Variants in DSCC1 observed in about 807,000 individuals in gnomAD.
The protein encoded by DSCC1 is sister chromatid cohesion protein DCC1.
Under a neutral mutation model 48.2 loss-of-function variants are expected in DSCC1, and 32 were observed. The observed-to-expected ratio is 0.66, with a 90% CI of 0.50 to 0.89. The LOEUF is 0.89. Ranked by LOEUF, DSCC1 falls within the 40% of genes least tolerant of loss-of-function variation. The probability of loss-of-function intolerance (pLI) is 0.00; values close to 1 mark genes in which losing one functional copy is unlikely to be tolerated. For missense variants in DSCC1, 421 were observed against 471.7 expected (o/e 0.89, Z 1.00); for synonymous variants, 150 against 171.5 (o/e 0.87, Z 0.98).
intron 1 of DSCC1, among the ~76,000 whole-genome samples, chr8:119,854,799 T>G (rs971945345): frequency 4.6e-5 from 7 of 152,226 alleles, no homozygotes; most frequent in African/African-American, 1.7e-4. Context: ...AAAGGTACTT[T>G]GAGGTATATA....
chr8:119,842,959 ATTATT>A (rs1826795361), intron 5 of DSCC1, 131 bp from the exon 6 acceptor site: 2 of 721,934 alleles, frequency 2.8e-6, no homozygotes, highest in African/African-American at 1.9e-5. Context: ...GTTGCCAAAT[ATTATT>A]TTATTTAAAT....
chr8:119,838,928 T>G (rs1826726540), intron 7 of DSCC1: 1 of 152,224 alleles, frequency 6.6e-6, no homozygotes, highest in Non-Finnish European at 1.5e-5. Context: ...GAGAAGGGGT[T>G]TCACCATGTA....
At chr8:119,844,586 T>C (rs1826824090) in intron 4 of DSCC1, among the ~76,000 whole-genome samples, 1 of 152,024 alleles carries the variant, frequency 6.6e-6, no homozygotes, top group Non-Finnish European at 1.5e-5. Flanking sequence ...TGCTTTCTTT[T>C]TTTTTTTTTC....
chr8:119,835,411 G>A (rs1416575154), intron 8 of DSCC1, among the ~76,000 whole-genome samples: 1 of 151,970 alleles, frequency 6.6e-6, no homozygotes, highest in East Asian at 1.9e-4. Flanking sequence ...GGAGGCTGGG[G>A]CAGGAGAATT....
At chr8:119,852,236 T>G (rs1014700994) in intron 2 of DSCC1, among the ~76,000 whole-genome samples, 4 of 152,268 alleles carry the variant, frequency 2.6e-5, no homozygotes, top group African/African-American at 9.6e-5. Context: ...GACAGTTGTT[T>G]GGTTACTGCC....
In DSCC1 at chr8:119,853,952, G is replaced by A. The variant is rs114848540; in HGVS notation, c.183-737C>T. Among the ~76,000 whole-genome samples, 710 of 152,344 alleles carry A rather than the reference G, an allele frequency of 4.7e-3. 4 individuals carry two copies. Among genetic ancestry groups the A allele is most frequent in the African/African-American group, 0.017 (688 of 41,580 alleles). ...AGCAAGAACGCAGTGGCTCATGCCT[G>A]TAATCCTAGCACTTTAGGAGGCTGA... is the stretch of plus-strand genomic sequence containing the variant. On this transcript the variant is annotated intron_variant, in intron 1 of 8. Coordinates refer to ENST00000313655, the MANE Select transcript of DSCC1 (RefSeq NM_024094.3).
intron 1 of DSCC1, 107 bp downstream of exon 1, chr8:119,855,507 G>A: frequency 2.1e-6 from 3 of 1,402,868 alleles, no homozygotes; most frequent in Non-Finnish European, 2.8e-6. Context: ...TGAGCCCCCG[G>A]CCAGGTCAGT....
At chr8:119,836,214 A>G (rs1826681244) in intron 8 of DSCC1, among the ~76,000 whole-genome samples, 1 of 152,062 alleles carries the variant, frequency 6.6e-6, no homozygotes, top group Admixed American at 6.5e-5. Flanking sequence ...TTGGGAGGCT[A>G]AGGCAGGAGA....
At chr8:119,838,915 G>C (rs538812750) in intron 7 of DSCC1, 4 of 152,252 alleles carry the variant, frequency 2.6e-5, no homozygotes, top group African/African-American at 9.6e-5. Context: ...TATATTTTTA[G>C]TAGAGAAGGG....
At chr8:119,842,957 A>G (rs1045845636) in intron 5 of DSCC1, 129 bp from the exon 6 acceptor site, 39 of 725,372 alleles carry the variant, frequency 5.4e-5, no homozygotes, top group Non-Finnish European at 7.3e-5. Flanking sequence ...TGGTTGCCAA[A>G]TATTATTTTA....
chr8:119,836,041 G>A (rs1352849283), intron 8 of DSCC1, among the ~76,000 whole-genome samples: 5 of 152,194 alleles, frequency 3.3e-5, no homozygotes, highest in East Asian at 1.9e-4. Context: ...GGCCGGGCGC[G>A]GCGGCTCATG....
At chr8:119,842,738 C>T (rs1299314985) in intron 6 of DSCC1, 38 bp downstream of exon 6, 1 of 1,575,396 alleles carries the variant, frequency 6.3e-7, no homozygotes, top group African/African-American at 1.4e-5. Flanking sequence ...CCAGTTTTAA[C>T]ATATAAGAGT....
intron 1 of DSCC1, among the ~76,000 whole-genome samples, chr8:119,854,388 C>T (rs1219296671): frequency 2.6e-5 from 4 of 152,140 alleles, no homozygotes; most frequent in African/African-American, 9.7e-5. Flanking sequence ...GTGCACAACT[C>T]GTTTCTTTTG....
Position 119,841,921 on chromosome 8 carries a change from T to G in DSCC1, c.797A>C (p.Asp266Ala). The change falls in exon 7 of 9, where the codon GAT becomes GCT. Residue 266 changes from aspartate to alanine, a missense_variant. This residue lies in a region of DSCC1 where 238 missense variants were observed against 259.0 expected (regional missense o/e 0.92). Transcript: ENST00000313655. ...TCGTGCTGCTGCTCTACATATTTTA[T>G]CAGCATCCAACTCAAAATAAACTTC... ...EGEVYFELDA[D>A]KICRAAARML... is the part of the protein sequence containing the mutation. 1 of 1,614,120 alleles carries G rather than the reference T, an allele frequency of 6.2e-7. No individual in the cohort carries two copies. The highest frequency in any genetic ancestry group is 8.5e-7 in the Non-Finnish European group (1 of 1,179,998).
At chr8:119,836,817 T>C (rs1826691425) in intron 8 of DSCC1, among the ~76,000 whole-genome samples, 1 of 151,794 alleles carries the variant, frequency 6.6e-6, no homozygotes, top group African/African-American at 2.4e-5. Context: ...GGCCCAAAAA[T>C]AGACCTGGAG....
intron 4 of DSCC1, among the ~76,000 whole-genome samples, chr8:119,846,472 G>T (rs1050296306): frequency 6.6e-6 from 1 of 152,166 alleles, no homozygotes; most frequent in Non-Finnish European, 1.5e-5. Flanking sequence ...AAATTGGAAG[G>T]AGTCAAAGTG....
At chr8:119,836,932 G>A (rs776025416) in intron 8 of DSCC1, among the ~76,000 whole-genome samples, 4 of 152,162 alleles carry the variant, frequency 2.6e-5, no homozygotes, top group African/African-American at 4.8e-5. Flanking sequence ...TGTGTTTCAA[G>A]TAGGAGGAAG....
chr8:119,842,075 A>C, intron 6 of DSCC1, 127 bp from the exon 7 acceptor site: 2 of 1,101,038 alleles, frequency 1.8e-6, no homozygotes, highest in Non-Finnish European at 2.5e-6. Context: ...CGACAACCCC[A>C]TAGTTCGTTT....
At chr8:119,838,471 T>C in intron 7 of DSCC1, 64 bp from the exon 8 acceptor site, 3 of 1,445,400 alleles carry the variant, frequency 2.1e-6, no homozygotes, top group Non-Finnish European at 2.7e-6. Flanking sequence ...CATGACTCAT[T>C]CTTTTACCTT....
Sources: allele counts gnomAD v4.1 joint callset (sites outside exome capture counted in the v4.1 genomes callset), GRCh38; gene constraint gnomAD v4.1.1; regional missense constraint gnomAD v4.1.1; transcripts MANE v1.5; gene names NCBI Gene and HGNC (gene_info 2026-07-23, HGNC 2026-07-21).